The following NELL2 variants were observed in gnomAD, a reference collection of about 807,000 sequenced individuals.
NELL2 encodes neural EGFL like 2.
A neutral mutation model predicts 109.6 loss-of-function variants in NELL2; 41 were observed. The ratio of observed to expected loss-of-function variants is 0.37; its 90% CI spans 0.29 to 0.49. The LOEUF is 0.49. NELL2 is among the 20% of genes least tolerant of loss of function. The probability of loss-of-function intolerance (pLI) is 0.98; values close to 1 mark genes in which losing one functional copy is unlikely to be tolerated. For synonymous variants in NELL2, 355 were observed against 344.7 expected (o/e 1.03, Z -0.33); for missense variants, 900 against 1,008.3 (o/e 0.89, Z 1.45).
rs140680973 is a variant in NELL2 at position 44,635,434 on chromosome 12, T to C, written c.1445-24464A>G. 7.9e-4 allele frequency among the ~76,000 whole-genome samples: 121 copies of C among 152,330 alleles called. 1 individual carries two copies. The highest frequency in any genetic ancestry group is 3.7e-3 in the Admixed American group (56 of 15,288). ...GCTTTAGGGCTTACATTTAAGTCTT[T>C]AATGCATCTTGAGTAACTCTTTTTT... On this transcript the variant is annotated intron_variant, in intron 13 of 19. Transcript: ENST00000429094.
chr12:44,791,082 CATATAT>C (rs55697809), intron 3 of NELL2, among the ~76,000 whole-genome samples: 1 of 52,034 alleles, frequency 1.9e-5, no homozygotes, highest in African/African-American at 1.2e-4. Flanking sequence ...TATATATATA[CATATAT>C]ATATATATGT....
Position 44,610,981 on chromosome 12 carries a change from G to C in NELL2, c.1445-11C>G. On this transcript the variant is annotated splice_polypyrimidine_tract_variant and intron_variant, in intron 13 of 19. Coordinates refer to ENST00000429094, the MANE Select transcript of NELL2 (RefSeq NM_001145108.2). ...TACACTCATCATGTTCTGAAATGAGGAATACAATTTTGTTACTCAAAGTTA... is the reference window on the plus strand; with the variant it reads ...TACACTCATCATGTTCTGAAATGAGCAATACAATTTTGTTACTCAAAGTTA... The C allele has an allele frequency of 6.2e-7, 1 of 1,610,562 alleles. No homozygotes were observed. Among genetic ancestry groups the C allele is most frequent in the Non-Finnish European group, 8.5e-7 (1 of 1,177,646 alleles).
At chr12:44,802,087 G>A (rs1002802007) in intron 3 of NELL2, among the ~76,000 whole-genome samples, 6 of 151,888 alleles carry the variant, frequency 4.0e-5, no homozygotes, top group South Asian at 2.1e-4. Flanking sequence ...TTATCAGTTC[G>A]TATTACTCTA....
At chr12:44,683,662 C>T (rs576914203) in intron 12 of NELL2, among the ~76,000 whole-genome samples, 1 of 152,090 alleles carries the variant, frequency 6.6e-6, no homozygotes, top group South Asian at 2.1e-4. Context: ...GCCTTTTCTG[C>T]ATCTATTGAG....
intron 9 of NELL2, among the ~76,000 whole-genome samples, chr12:44,718,758 A>G (rs1938616587): frequency 6.6e-6 from 1 of 152,220 alleles, no homozygotes; most frequent in African/African-American, 2.4e-5. Flanking sequence ...AGAATGCTAT[A>G]CCATTTTGAA....
intron 1 of NELL2, among the ~76,000 whole-genome samples, chr12:44,885,948 ATAAAG>A (rs1245781210): frequency 6.6e-6 from 1 of 151,872 alleles, no homozygotes; most frequent in Non-Finnish European, 1.5e-5. Flanking sequence ...AATTAATGGA[ATAAAG>A]TAAAGAGCAT....
intron 2 of NELL2, among the ~76,000 whole-genome samples, chr12:44,867,630 A>C (rs1366691840): frequency 6.6e-6 from 1 of 152,168 alleles, no homozygotes. Flanking sequence ...TAGACTTGCA[A>C]TTAGGCAAGA....
At chr12:44,627,750 T>A (rs975511903) in intron 13 of NELL2, among the ~76,000 whole-genome samples, 1 of 152,178 alleles carries the variant, frequency 6.6e-6, no homozygotes, top group Non-Finnish European at 1.5e-5. Flanking sequence ...CTGGATTAGA[T>A]TAAATAGCTT....
chr12:44,704,431 T>A (rs558739863), intron 11 of NELL2, among the ~76,000 whole-genome samples: 148 of 152,156 alleles, frequency 9.7e-4, no homozygotes, highest in African/African-American at 3.3e-3. Context: ...AGGAAGAAAA[T>A]TTTTAGGAAT....
rs11182644 is a variant in NELL2 at position 44,759,301 on chromosome 12, G to A, written c.994+15446C>T. Reference sequence around the variant, plus strand: ...TGACTTTACAGGTTCTCCATCACCTGTACTGGCCTTGTGACTTGAGGAGGC... The same window carrying A: ...TGACTTTACAGGTTCTCCATCACCTATACTGGCCTTGTGACTTGAGGAGGC... On this transcript the variant is annotated intron_variant, in intron 9 of 19. Coordinates refer to ENST00000429094, the MANE Select transcript of NELL2 (RefSeq NM_001145108.2). Among the ~76,000 whole-genome samples the A allele has an allele frequency of 5.5e-3, 843 of 152,238 alleles. 11 individuals are homozygous for A. The highest frequency in any genetic ancestry group is 0.032 in the East Asian group (167 of 5,180).
intron 1 of NELL2, among the ~76,000 whole-genome samples, chr12:44,883,007 AT>A (rs60717079): frequency 0.19 from 25,529 of 134,894 alleles, 2,497 homozygotes; most frequent in East Asian, 0.39. Context: ...TGCCCAGACA[AT>A]TTTTTTTTTT....
At chr12:44,637,653 G>T (rs1051711420) in intron 13 of NELL2, among the ~76,000 whole-genome samples, 1 of 149,832 alleles carries the variant, frequency 6.7e-6, no homozygotes, top group Non-Finnish European at 1.5e-5. Flanking sequence ...ACCTAACTGC[G>T]GGAAAAAGCC....
chr12:44,810,440 T>C (rs1943136675), intron 3 of NELL2, among the ~76,000 whole-genome samples: 1 of 152,152 alleles, frequency 6.6e-6, no homozygotes. Flanking sequence ...TGGCTCTCTG[T>C]TCTCTAGAGA....
At chr12:44,768,682 C>T (rs1225475222) in intron 9 of NELL2, among the ~76,000 whole-genome samples, 1 of 152,162 alleles carries the variant, frequency 6.6e-6, no homozygotes, top group Non-Finnish European at 1.5e-5. Context: ...TCACTACAGA[C>T]TTTCAAGAAA....
chr12:44,653,425 A>T (rs1041276666), intron 13 of NELL2, among the ~76,000 whole-genome samples: 1 of 152,194 alleles, frequency 6.6e-6, no homozygotes, highest in East Asian at 1.9e-4. Flanking sequence ...GATCCTGGAG[A>T]AAAGGGGGCC....
At chr12:44,756,089 A>G (rs1242523355) in intron 9 of NELL2, among the ~76,000 whole-genome samples, 1 of 152,192 alleles carries the variant, frequency 6.6e-6, no homozygotes, top group Non-Finnish European at 1.5e-5. Flanking sequence ...AAAAGCTGTC[A>G]GACATGGACT....
At chr12:44,764,785 G>A (rs770408032) in intron 9 of NELL2, among the ~76,000 whole-genome samples, 2 of 151,812 alleles carry the variant, frequency 1.3e-5, no homozygotes, top group Non-Finnish European at 2.9e-5. Flanking sequence ...CTTTTAAAAT[G>A]TCAGCTTAAA....
chr12:44,877,734 G>T (rs975091441), upstream of NELL2, among the ~76,000 whole-genome samples: 1 of 151,930 alleles, frequency 6.6e-6, no homozygotes, highest in South Asian at 2.1e-4. Flanking sequence ...TTCAGAATTC[G>T]GGAGCTCTTT....
intron 9 of NELL2, among the ~76,000 whole-genome samples, chr12:44,723,319 A>G (rs1255311537): frequency 1.3e-5 from 2 of 152,242 alleles, no homozygotes; most frequent in Admixed American, 1.3e-4. Flanking sequence ...TTTACTATGC[A>G]GAGAAAGGGG....
Sources: allele counts gnomAD v4.1 joint callset (sites outside exome capture counted in the v4.1 genomes callset), GRCh38; gene constraint gnomAD v4.1.1; transcripts MANE v1.5; gene names NCBI Gene and HGNC (gene_info 2026-07-23, HGNC 2026-07-21).